Variants in DSCAM observed in about 807,000 individuals in gnomAD.
DSCAM encodes cell adhesion molecule DSCAM.
In DSCAM, 47 loss-of-function variants were observed where a neutral mutation model predicts 217.7. The ratio of observed to expected loss-of-function variants is 0.22; its 90% confidence interval spans 0.17 to 0.28. The LOEUF (loss-of-function observed/expected upper bound fraction) is 0.28. Among genes scored for constraint, DSCAM ranks in the 10% least tolerant of loss-of-function variants. DSCAM has a pLI of 1.00. For synonymous variants in DSCAM, 1,056 were observed against 1,015.3 expected (o/e 1.04, Z -0.76); for missense variants, 2,080 against 2,618.3 (o/e 0.79, Z 4.49).
chr21:40,391,360 C>T (rs1299698060), intron 3 of DSCAM, among the ~76,000 whole-genome samples: 1 of 152,116 alleles, frequency 6.6e-6, no homozygotes, highest in African/African-American at 2.4e-5. Flanking sequence ...CACAGTCTAC[C>T]CACCTGCTGT....
chr21:40,260,456 G>GC (rs1401826074), intron 11 of DSCAM, among the ~76,000 whole-genome samples: 1 of 152,228 alleles, frequency 6.6e-6, no homozygotes, highest in East Asian at 1.9e-4. Flanking sequence ...GCCATGACCT[G>GC]CCATTGCTTT....
In DSCAM at chr21:40,144,622, C is replaced by A. The variant is rs747372255; in HGVS notation, c.3128G>T (p.Ser1043Ile). The A allele has an allele frequency of 6.2e-7, 1 of 1,614,170 alleles. No individual in the cohort carries two copies. The highest frequency in any genetic ancestry group is 1.7e-5 in the Admixed American group (1 of 60,032). ...CAGGGTGTAAACCTCACTGTCCCCG[C>A]TGGTGTCGACACTGATAATGTTGAA... ...FQFNIISVDT[S>I]GDSEVYTLDN... Residue 1043 changes from serine (S) to isoleucine (I), a missense_variant, in exon 17 of 33, where the codon AGC becomes ATC. Transcript: ENST00000400454. This position sits in a 1 kb window ranked among gnomAD's most constrained non-coding sequence, Gnocchi z 4.8.
chr21:40,510,559 A>C (rs1418848916), intron 3 of DSCAM, among the ~76,000 whole-genome samples: 2 of 152,218 alleles, frequency 1.3e-5, no homozygotes, highest in African/African-American at 4.8e-5. Flanking sequence ...AGTCAACAGA[A>C]GTTGGGTGTG....
chr21:40,365,356 G>A (rs887971896), intron 4 of DSCAM, among the ~76,000 whole-genome samples: 1 of 152,146 alleles, frequency 6.6e-6, no homozygotes, highest in Non-Finnish European at 1.5e-5. Flanking sequence ...TCCTGCCCTT[G>A]AGCATCAGAC....
chr21:40,737,803 T>G (rs1278417703), intron 1 of DSCAM, among the ~76,000 whole-genome samples: 1 of 152,194 alleles, frequency 6.6e-6, no homozygotes, highest in Non-Finnish European at 1.5e-5. Context: ...AGCATCCAGC[T>G]GACCTCAGAA....
chr21:40,225,499 A>G (rs926128617), intron 11 of DSCAM, among the ~76,000 whole-genome samples: 2 of 152,160 alleles, frequency 1.3e-5, no homozygotes, highest in Non-Finnish European at 2.9e-5. Context: ...CAAAACGGCT[A>G]AAATCCTGCC....
chr21:40,785,401 G>A (rs1014692941), intron 1 of DSCAM, among the ~76,000 whole-genome samples: 1 of 152,176 alleles, frequency 6.6e-6, no homozygotes, highest in African/African-American at 2.4e-5. Flanking sequence ...CTGCCTTTGT[G>A]GTCCCACCAT....
rs187500068 is a variant in DSCAM at position 40,503,112 on chromosome 21, G to A, written c.509-133867C>T. 4.6e-5 allele frequency among the ~76,000 whole-genome samples: 7 copies of A among 152,214 alleles called. No homozygotes were observed. The East Asian group carries it at 1.4e-3, about 29-fold the overall frequency. On this transcript the variant is annotated intron_variant, in intron 3 of 32. Coordinates refer to ENST00000400454, the MANE Select transcript of DSCAM (RefSeq NM_001389.5). ...TTCTCTTTACTTCCTACTTCCCAAC[G>A]TTACGCATTAAGAATATCTATTATG...
At chr21:40,273,255 C>T (rs1312971627) in intron 11 of DSCAM, among the ~76,000 whole-genome samples, 1 of 152,134 alleles carries the variant, frequency 6.6e-6, no homozygotes, top group East Asian at 1.9e-4. Flanking sequence ...TTCATGATAA[C>T]TCTATGAAGA....
At chr21:40,600,174 T>G (rs893436727) in intron 3 of DSCAM, among the ~76,000 whole-genome samples, 1 of 152,200 alleles carries the variant, frequency 6.6e-6, no homozygotes, top group African/African-American at 2.4e-5. Flanking sequence ...GTTTTTAAAT[T>G]GAAGGAAGTC....
intron 9 of DSCAM, 37 bp downstream of exon 9, chr21:40,312,044 T>C (rs2074144359): frequency 1.4e-6 from 2 of 1,430,642 alleles, no homozygotes; most frequent in East Asian, 3.5e-5. Context: ...TTAAATCAAC[T>C]CTACAGATGC....
At chr21:40,118,542 G>C (rs1214768998) in intron 20 of DSCAM, among the ~76,000 whole-genome samples, 1 of 152,128 alleles carries the variant, frequency 6.6e-6, no homozygotes, top group African/African-American at 2.4e-5. Flanking sequence ...AGCCGAGATT[G>C]CGCCACTGCA....
chr21:40,809,119 A>G (rs1422202290), intron 1 of DSCAM, among the ~76,000 whole-genome samples: 1 of 152,104 alleles, frequency 6.6e-6, no homozygotes, highest in Non-Finnish European at 1.5e-5. Context: ...AGACCAGAGC[A>G]TCCACCTAGC....
At chr21:40,188,471 A>C (rs1264059252) in intron 12 of DSCAM, among the ~76,000 whole-genome samples, 1 of 152,302 alleles carries the variant, frequency 6.6e-6, no homozygotes, top group East Asian at 1.9e-4. Flanking sequence ...TCTGAGAGCC[A>C]ATATAAGCAT....
intron 20 of DSCAM, among the ~76,000 whole-genome samples, chr21:40,117,869 C>T (rs1357215403): frequency 6.6e-6 from 1 of 152,098 alleles, no homozygotes; most frequent in East Asian, 1.9e-4. Flanking sequence ...AAAAATACAG[C>T]ATTTAAGTTG....
At chr21:40,267,285 A>G (rs1312064064) in intron 11 of DSCAM, among the ~76,000 whole-genome samples, 2 of 151,968 alleles carry the variant, frequency 1.3e-5, no homozygotes, top group Non-Finnish European at 2.9e-5. Context: ...TTATAAGTAG[A>G]AGGAGTAGTC....
chr21:40,748,778 G>C lies in DSCAM; in HGVS notation c.44-40007C>G, dbSNP rs146798287. 6.9e-3 allele frequency among the ~76,000 whole-genome samples: 1,047 copies of C among 152,020 alleles called. 14 individuals are homozygous for C. The highest frequency in any genetic ancestry group is 0.024 in the African/African-American group (998 of 41,508). On this transcript the variant is annotated intron_variant, in intron 1 of 32. Transcript: ENST00000400454. ...TGCAAAAGATCCTGGAGAGCTAAAG[G>C]AATCTTCAGCAAAAAGAACAAAGCT...
At chr21:40,564,904 G>C (rs1444551537) in intron 3 of DSCAM, among the ~76,000 whole-genome samples, 3 of 152,150 alleles carry the variant, frequency 2.0e-5, no homozygotes, top group Non-Finnish European at 4.4e-5. Flanking sequence ...TACAGACCTA[G>C]TTGCTCCCTG....
Position 40,425,440 on chromosome 21 carries a change from G to A in DSCAM, c.509-56195C>T, listed in dbSNP as rs566308400. Reference sequence around the variant, plus strand: ...AACGGGTGCAGCACACCAACCTGGCGCATGTATACATATGTAACAAACCTG... The same window carrying A: ...AACGGGTGCAGCACACCAACCTGGCACATGTATACATATGTAACAAACCTG... On this transcript the variant is annotated intron_variant, in intron 3 of 32. Coordinates refer to ENST00000400454, the MANE Select transcript of DSCAM (RefSeq NM_001389.5). 8.1e-4 allele frequency among the ~76,000 whole-genome samples: 123 copies of A among 151,934 alleles called. 1 individual carries two copies. Among genetic ancestry groups the A allele is most frequent in the African/African-American group, 2.5e-3 (102 of 41,418 alleles).
Sources: allele counts gnomAD v4.1 joint callset (sites outside exome capture counted in the v4.1 genomes callset), GRCh38; gene constraint gnomAD v4.1.1; non-coding constraint Gnocchi (gnomAD v3.1); transcripts MANE v1.5; gene names NCBI Gene and HGNC (gene_info 2026-07-23, HGNC 2026-07-21).